KIRREL1: variants seen among roughly 807,000 people sequenced by gnomAD.
The protein encoded by KIRREL1 is kin of IRRE-like protein 1.
KIRREL1 carries 25 observed loss-of-function variants against 83.3 expected under a neutral mutation model. The observed-to-expected ratio is 0.30, with a 90% CI of 0.22 to 0.42. KIRREL1 has a LOEUF of 0.42. Among genes scored for constraint, KIRREL1 ranks in the 10% least tolerant of loss-of-function variants. The probability of loss-of-function intolerance (pLI) is 1.00; values close to 1 mark genes in which losing one functional copy is unlikely to be tolerated. For missense variants in KIRREL1, 812 were observed against 1,032.3 expected, an observed-to-expected ratio of 0.79 and a Z score of 2.92; for synonymous variants, 388 against 410.4, an observed-to-expected ratio of 0.95 and a Z score of 0.66.
chr1:157,999,208 G>C (rs1158614373), intron 1 of KIRREL1, among the ~76,000 whole-genome samples: 2 of 152,158 alleles, frequency 1.3e-5, no homozygotes, highest in East Asian at 3.9e-4. Flanking sequence ...TTGCTTTGAT[G>C]ATCATTTGTG....
intron 1 of KIRREL1, among the ~76,000 whole-genome samples, chr1:158,017,464 G>A (rs1473666103): frequency 6.6e-6 from 1 of 152,064 alleles, no homozygotes; most frequent in Non-Finnish European, 1.5e-5. Flanking sequence ...AGCTGAGGAG[G>A]GCGGATCACT....
intron 1 of KIRREL1, among the ~76,000 whole-genome samples, chr1:158,047,257 G>A (rs924227755): frequency 5.3e-5 from 8 of 152,192 alleles, no homozygotes; most frequent in African/African-American, 1.9e-4. Context: ...ACTGGCCTAG[G>A]CACCAGGGGT....
intron 1 of KIRREL1, among the ~76,000 whole-genome samples, chr1:158,007,561 C>G (rs1309352500): frequency 6.6e-6 from 1 of 152,064 alleles, no homozygotes; most frequent in Non-Finnish European, 1.5e-5. Flanking sequence ...GGCAGAGCCC[C>G]CCGACACCTC....
intron 1 of KIRREL1, among the ~76,000 whole-genome samples, chr1:158,052,609 C>G (rs940049984): frequency 6.6e-6 from 1 of 150,498 alleles, no homozygotes; most frequent in African/African-American, 2.4e-5. Flanking sequence ...GAAACCCCAT[C>G]TCTACTAAAA....
At chr1:158,062,813 G>A (rs1222391700) in intron 1 of KIRREL1, among the ~76,000 whole-genome samples, 7 of 152,220 alleles carry the variant, frequency 4.6e-5, no homozygotes, top group African/African-American at 2.4e-5. Flanking sequence ...ACATGGCCCT[G>A]TGCAGCTTAG....
At chr1:158,039,397 C>T (rs1169421486) in intron 1 of KIRREL1, among the ~76,000 whole-genome samples, 2 of 152,196 alleles carry the variant, frequency 1.3e-5, no homozygotes, top group African/African-American at 4.8e-5. Context: ...CTGTTTGCTT[C>T]CTTTATGGCC....
chr1:158,068,010 G>A (rs773901100), intron 1 of KIRREL1, among the ~76,000 whole-genome samples: 19 of 152,154 alleles, frequency 1.2e-4, no homozygotes, highest in African/African-American at 1.4e-4. Flanking sequence ...GAAGGGAGGC[G>A]GTGGCCAAGC....
Position 158,095,257 on chromosome 1 carries a change from A to G in KIRREL1, c.*137A>G. The G allele has an allele frequency of 1.5e-6, 1 of 680,222 alleles. No homozygotes were observed. Among genetic ancestry groups the G allele is most frequent in the Non-Finnish European group, 2.4e-6 (1 of 410,542 alleles). The allele number at this position is 680,222 out of a possible 1,614,324, so 42.1% of individuals were successfully genotyped here. A position where few individuals can be genotyped will look rare whatever the true frequency, so the allele number is the denominator to read the frequency against. On this transcript the variant is annotated 3_prime_UTR_variant, in exon 15 of 15. Transcript: ENST00000359209. ...CCTCCCACCATGGCAGGTGGGGAGC[A>G]GGTCTCCCAGAAACACCCCGTCCCG...
intron 1 of KIRREL1, 106 bp from the exon 2 acceptor site, chr1:158,076,007 T>C: frequency 9.4e-7 from 1 of 1,062,510 alleles, no homozygotes; most frequent in Non-Finnish European, 1.3e-6. Context: ...AGAGTCCCCA[T>C]CCCCAACTGG....
intron 1 of KIRREL1, among the ~76,000 whole-genome samples, chr1:158,011,297 C>T (rs114176155): frequency 2.6e-3 from 397 of 152,358 alleles, no homozygotes; most frequent in African/African-American, 9.0e-3. Flanking sequence ...AAAAGCAAAA[C>T]TAACAAACGA....
intron 1 of KIRREL1, among the ~76,000 whole-genome samples, chr1:158,055,117 G>A (rs1029592339): frequency 6.6e-6 from 1 of 151,998 alleles, no homozygotes; most frequent in African/African-American, 2.4e-5. Context: ...CCTGCACTTG[G>A]GACTCTGCTG....
At chr1:158,039,370 T>C (rs1225852798) in intron 1 of KIRREL1, among the ~76,000 whole-genome samples, 4 of 152,254 alleles carry the variant, frequency 2.6e-5, no homozygotes, top group Non-Finnish European at 5.9e-5. Flanking sequence ...GTAAAATTGC[T>C]GGATGCATGG....
At chr1:158,064,131 C>T (rs948117640) in intron 1 of KIRREL1, among the ~76,000 whole-genome samples, 1 of 152,114 alleles carries the variant, frequency 6.6e-6, no homozygotes, top group Admixed American at 6.5e-5. Context: ...GTGGATGATG[C>T]ACGACTAAGA....
In KIRREL1 at chr1:158,099,038, G is replaced by A. The variant is rs1179262264; in HGVS notation, c.*3918G>A. 6.6e-6 allele frequency: 1 copy of A among 152,266 alleles called. No homozygotes were observed. The highest frequency in any genetic ancestry group is 6.5e-5 in the Admixed American group (1 of 15,290). The allele number at this position is 152,266 out of a possible 1,614,324, so 9.4% of individuals were successfully genotyped here. A position where few individuals can be genotyped will look rare whatever the true frequency, so the allele number is the denominator to read the frequency against. On this transcript the variant is annotated 3_prime_UTR_variant, in exon 15 of 15. Coordinates refer to ENST00000359209, the MANE Select transcript of KIRREL1 (RefSeq NM_018240.7). ...AGCCAAGACCCGTTTGGAGCGAACTGCCTTGTTCTTTGCTGTGTGGAAGGT... is the reference window on the plus strand; with the variant it reads ...AGCCAAGACCCGTTTGGAGCGAACTACCTTGTTCTTTGCTGTGTGGAAGGT...
chr1:158,071,293 T>C (rs1661507717), intron 1 of KIRREL1, among the ~76,000 whole-genome samples: 1 of 152,202 alleles, frequency 6.6e-6, no homozygotes, highest in African/African-American at 2.4e-5. Context: ...TGGGTGTCTG[T>C]CTTTGTCTCT....
chr1:158,078,455 T>A (rs1219449726), intron 3 of KIRREL1, among the ~76,000 whole-genome samples: 1 of 151,894 alleles, frequency 6.6e-6, no homozygotes, highest in East Asian at 1.9e-4. Context: ...ACGTATGGAG[T>A]GATGGAGACC....
chr1:158,012,246 C>CA (rs1174134352), intron 1 of KIRREL1, among the ~76,000 whole-genome samples: 1 of 152,032 alleles, frequency 6.6e-6, no homozygotes, highest in East Asian at 1.9e-4. Flanking sequence ...TTGGTTTATT[C>CA]AGTAGTAAAA....
Position 158,086,692 on chromosome 1 carries a change from A to G in KIRREL1, c.607A>G (p.Met203Val). ...AGGGCGTGTCTTCACTTGCCGAAGC[A>G]TGAACGAAGCCATCCCTAGTGGCAA... Reference protein sequence around the residue: ...DIGRVFTCRSMNEAIPSGKET... With the variant: ...DIGRVFTCRSVNEAIPSGKET... Residue 203 changes from methionine to valine, a missense_variant, in exon 5 of 15, where the codon ATG (methionine) becomes GTG (valine). Physicochemically the swap from Met to Val is conservative, Grantham distance 21 (BLOSUM62 1). This residue lies in a region of KIRREL1 where 472 missense variants were observed against 626.8 expected (regional missense o/e 0.75). Transcript: ENST00000359209. 1.3e-6 allele frequency: 2 copies of G among 1,551,746 alleles called. No homozygotes were observed. The highest frequency in any genetic ancestry group is 1.7e-6 in the Non-Finnish European group (2 of 1,147,014).
intron 1 of KIRREL1, among the ~76,000 whole-genome samples, chr1:158,069,549 A>T (rs1287365033): frequency 6.6e-6 from 1 of 152,108 alleles, no homozygotes; most frequent in Admixed American, 6.5e-5. Flanking sequence ...TCGCCCCAGG[A>T]GGATCAGTGT....
Sources: gnomAD v4.1 joint callset for allele counts (sites outside exome capture counted in the v4.1 genomes callset) on GRCh38, gnomAD v4.1.1 for gene constraint, gnomAD v4.1.1 regional missense constraint, MANE v1.5 for transcripts, NCBI Gene and HGNC (gene_info 2026-07-23, HGNC 2026-07-21) for gene names.